ZMYM1: variants seen among roughly 807,000 people sequenced by gnomAD.
ZMYM1 encodes zinc finger MYM-type containing 1.
Under a neutral mutation model 60.0 loss-of-function variants are expected in ZMYM1, and 39 were observed. The ratio of observed to expected loss-of-function variants is 0.65; its 90% confidence interval spans 0.50 to 0.85. ZMYM1 has a LOEUF of 0.85. ZMYM1 is among the 40% of genes least tolerant of loss of function. ZMYM1 has a pLI of 0.00. For synonymous variants in ZMYM1, 413 were observed against 454.0 expected, an observed-to-expected ratio of 0.91 and a Z score of 1.15; for missense variants, 1,171 against 1,309.5, an observed-to-expected ratio of 0.89 and a Z score of 1.63.
chr1:35,104,392 G>A lies in ZMYM1; in HGVS notation c.517G>A (p.Glu173Lys). 6.2e-7 allele frequency: 1 copy of A among 1,612,810 alleles called. No individual in the cohort carries two copies. Among genetic ancestry groups the A allele is most frequent in the South Asian group, 1.1e-5 (1 of 90,932 alleles). Residue 173 changes from glutamate (E) to lysine (K), a missense_variant, in exon 5 of 10, where the codon GAA becomes AAA. Transcript: ENST00000359858. ...CSLSCLSSYEEKRKPFVTICT... is the reference protein window; with the variant it reads ...CSLSCLSSYEKKRKPFVTICT... ...CCTATCTTGTCTTTCATCATATGAAGAAAAAAGAAAACCATTTGTTACCAT... is the reference window on the plus strand; with the variant it reads ...CCTATCTTGTCTTTCATCATATGAAAAAAAAAGAAAACCATTTGTTACCAT...
chr1:35,113,336 T>G lies in ZMYM1; in HGVS notation c.1506T>G (p.Asn502Lys). The change falls in exon 10 of 10, where the codon AAT becomes AAG. Residue 502 changes from asparagine to lysine, a missense_variant. Asn to Lys is a moderately conservative substitution (Grantham distance 94, BLOSUM62 0). Transcript: ENST00000359858. ...CATTTGCAACCCACGGAACTTCTAA[T>G]TGGAAAAAAACCCTGGAAAAATTCA... ...RESFATHGTS[N>K]WKKTLEKFRK... The G allele has an allele frequency of 6.2e-7, 1 of 1,612,786 alleles. No individual in the cohort carries two copies. Among genetic ancestry groups the G allele is most frequent in the South Asian group, 1.1e-5 (1 of 90,714 alleles).
In ZMYM1 at chr1:35,104,464, G is replaced by C; in HGVS notation, c.589G>C (p.Ala197Pro). ...CAAGTGCAGCATGTGCCAGAAGACT[G>C]CTATTGTAAGTTCCAATTATAACCT... is the stretch of plus-strand genomic sequence containing the variant. ...LTKCSMCQKT[A>P]IIQYEVKYQN... Residue 197 changes from alanine (A) to proline (P), a missense_variant, in exon 5 of 10, where the codon GCT (alanine) becomes CCT (proline). Ala to Pro is a conservative substitution (Grantham distance 27). Transcript: ENST00000359858. 1 of 1,609,200 alleles carries C rather than the reference G, an allele frequency of 6.2e-7. No homozygotes were observed.
rs193077662 is a variant in ZMYM1, at chr1:35,105,798, C to A, written c.807+1029C>A. Among the ~76,000 whole-genome samples, 9 of 152,202 alleles carry A rather than the reference C, an allele frequency of 5.9e-5. No homozygotes were observed. In the East Asian group the frequency reaches 1.7e-3, roughly 29 times the overall value. ...TTTTTAATTTTTTTGTAGAGACAAG[C>A]TCTTACTATGTTGCCCAAGCTTGTC... On this transcript the variant is annotated intron_variant, in intron 6 of 9. Transcript: ENST00000359858.
At chr1:35,080,890 C>T (rs895200164) in intron 1 of ZMYM1, among the ~76,000 whole-genome samples, 3 of 152,082 alleles carry the variant, frequency 2.0e-5, no homozygotes, top group Non-Finnish European at 2.9e-5. Context: ...TAGCCTTCTG[C>T]CTCCAGCCTT....
chr1:35,098,954 G>T (rs1410703332), intron 4 of ZMYM1, among the ~76,000 whole-genome samples: 1 of 152,108 alleles, frequency 6.6e-6, no homozygotes, highest in African/African-American at 2.4e-5. Flanking sequence ...TGCATTTATC[G>T]CCATGTGATT....
intron 1 of ZMYM1, among the ~76,000 whole-genome samples, chr1:35,086,661 A>C (rs1205084670): frequency 6.7e-6 from 1 of 150,020 alleles, no homozygotes; most frequent in African/African-American, 2.5e-5. Context: ...ATCTCATGCA[A>C]TTTTTTTTTC....
chr1:35,060,143 G>GTTA (rs144363831), intron 1 of ZMYM1, among the ~76,000 whole-genome samples: 16,486 of 144,004 alleles, frequency 0.11, 962 homozygotes, highest in Non-Finnish European at 0.13. Context: ...ACTATTTGTT[G>GTTA]TTATTATTAT....
chr1:35,098,561 A>G (rs1409928118), intron 4 of ZMYM1, among the ~76,000 whole-genome samples: 2 of 152,180 alleles, frequency 1.3e-5, no homozygotes, highest in Non-Finnish European at 2.9e-5. Context: ...TTACTACTCA[A>G]AGTTTCATCC....
Position 35,114,727 on chromosome 1 carries a change from A to C in ZMYM1, c.2897A>C (p.Asn966Thr). Reference protein sequence around the residue: ...PTSTEEQYKINIYYQGLDTIL... With the variant: ...PTSTEEQYKITIYYQGLDTIL... ...TCAACAGAAGAACAATATAAAATTA[A>C]TATCTATTACCAAGGATTAGATACT... is the stretch of plus-strand genomic sequence containing the variant. The change falls in exon 10 of 10, where the codon AAT becomes ACT. Residue 966 changes from asparagine (N) to threonine (T), a missense_variant. By Grantham distance (65) the Asn-to-Thr change is moderately conservative. Coordinates refer to ENST00000359858, the MANE Select transcript of ZMYM1 (RefSeq NM_024772.5). 1 of 1,571,256 alleles carries C rather than the reference A, an allele frequency of 6.4e-7. No homozygotes were observed. The highest frequency in any genetic ancestry group is 2.3e-5 in the East Asian group (1 of 44,438).
intron 1 of ZMYM1, among the ~76,000 whole-genome samples, chr1:35,082,917 G>GTC (rs1206193163): frequency 2.0e-5 from 3 of 151,990 alleles, no homozygotes; most frequent in African/African-American, 7.2e-5. Context: ...GGAGGTGGAG[G>GTC]TTGCAGTGAC....
chr1:35,086,445 C>T (rs538117640), intron 1 of ZMYM1, among the ~76,000 whole-genome samples: 46 of 152,176 alleles, frequency 3.0e-4, no homozygotes, highest in Middle Eastern at 3.4e-3. Flanking sequence ...GCTGGGACTA[C>T]AGTCTGGGCT....
intron 1 of ZMYM1, among the ~76,000 whole-genome samples, chr1:35,069,425 TA>T (rs1642030869): frequency 1.3e-5 from 2 of 152,222 alleles, no homozygotes; most frequent in South Asian, 2.1e-4. Flanking sequence ...TTGTCCATTT[TA>T]AAATCAGATT....
chr1:35,101,691 A>G (rs1418653828), intron 4 of ZMYM1, among the ~76,000 whole-genome samples: 2 of 151,800 alleles, frequency 1.3e-5, no homozygotes, highest in Middle Eastern at 3.4e-3. Context: ...TGTCGTGTTC[A>G]TAACTCCCAA....
intron 1 of ZMYM1, among the ~76,000 whole-genome samples, chr1:35,065,003 C>CA (rs536817336): frequency 3.7e-4 from 57 of 152,206 alleles, no homozygotes; most frequent in African/African-American, 1.3e-3. Context: ...AACTTCTAAA[C>CA]ACACTGACCA....
Position 35,113,349 on chromosome 1 carries a change from C to T in ZMYM1, c.1519C>T (p.Leu507=). ...THGTSNWKKT[L]EKFRKHEKSE... is the part of the protein sequence containing the mutation. ...CGGAACTTCTAATTGGAAAAAAACC[C>T]TGGAAAAATTCAGAAAGCATGAAAA... Residue 507 remains leucine, a synonymous_variant, in exon 10 of 10, where the codon CTG becomes TTG. Transcript: ENST00000359858. The T allele has an allele frequency of 1.2e-6, 2 of 1,612,804 alleles. No individual in the cohort carries two copies. Among genetic ancestry groups the T allele is most frequent in the Non-Finnish European group, 1.7e-6 (2 of 1,179,696 alleles).
chr1:35,060,671 T>TA (rs1331272931), intron 1 of ZMYM1, among the ~76,000 whole-genome samples: 1 of 152,120 alleles, frequency 6.6e-6, no homozygotes, highest in African/African-American at 2.4e-5. Flanking sequence ...TTTCTCCTGC[T>TA]AAGTCCAGAA....
At chr1:35,088,937 G>C (rs1177416546) in intron 1 of ZMYM1, among the ~76,000 whole-genome samples, 1 of 150,280 alleles carries the variant, frequency 6.7e-6, no homozygotes, top group East Asian at 2.0e-4. Context: ...TCAGCCTTCC[G>C]AGTAGCTGGG....
intron 1 of ZMYM1, among the ~76,000 whole-genome samples, chr1:35,061,504 C>T (rs986030403): frequency 7.2e-5 from 11 of 152,106 alleles, no homozygotes; most frequent in Admixed American, 5.9e-4. Flanking sequence ...TGGCTGGGTG[C>T]GGTGGCTCAC....
chr1:35,106,393 G>A (rs1643889656), intron 6 of ZMYM1, among the ~76,000 whole-genome samples: 2 of 152,088 alleles, frequency 1.3e-5, no homozygotes. Flanking sequence ...CCGATCACCT[G>A]AGGTCAGGAG....
Sources: gnomAD v4.1 joint callset for allele counts (sites outside exome capture counted in the v4.1 genomes callset) on GRCh38, gnomAD v4.1.1 for gene constraint, MANE v1.5 for transcripts, NCBI Gene and HGNC (gene_info 2026-07-23, HGNC 2026-07-21) for gene names.